Variants in SLC2A13 observed in about 807,000 individuals in gnomAD.
SLC2A13 encodes proton myo-inositol cotransporter.
Under a neutral mutation model 64.4 loss-of-function variants are expected in SLC2A13, and 32 were observed. That is an observed-to-expected ratio of 0.50 (90% CI 0.37 to 0.67). SLC2A13 has a LOEUF of 0.67. SLC2A13 is among the 30% of genes least tolerant of loss of function. The pLI is 0.00. For missense variants in SLC2A13, 743 were observed against 829.2 expected, an observed-to-expected ratio of 0.90 and a Z score of 1.28; for synonymous variants, 338 against 327.1, an observed-to-expected ratio of 1.03 and a Z score of -0.36.
chr12:39,807,012 GACA>G (rs758095048), intron 7 of SLC2A13, among the ~76,000 whole-genome samples: 8 of 152,102 alleles, frequency 5.3e-5, no homozygotes, highest in Admixed American at 1.3e-4. Flanking sequence ...TTCTTGAGAT[GACA>G]ACGTTCCAGA....
At chr12:39,869,737 A>G (rs996885827) in intron 5 of SLC2A13, among the ~76,000 whole-genome samples, 2 of 152,222 alleles carry the variant, frequency 1.3e-5, no homozygotes, top group Non-Finnish European at 2.9e-5. Flanking sequence ...GAAACATGAC[A>G]TAGGCCAGAA....
At chr12:40,037,309 C>T (rs1160941679) in intron 2 of SLC2A13, among the ~76,000 whole-genome samples, 1 of 151,962 alleles carries the variant, frequency 6.6e-6, no homozygotes, top group African/African-American at 2.4e-5. Context: ...GCTATTTCTT[C>T]CTTAAATATT....
chr12:39,796,051 C>G (rs112110022), intron 7 of SLC2A13, among the ~76,000 whole-genome samples: 1,832 of 152,224 alleles, frequency 0.012, 38 homozygotes, highest in African/African-American at 0.041. Flanking sequence ...CTCTTCTCCC[C>G]CCAGCCTCTG....
intron 3 of SLC2A13, among the ~76,000 whole-genome samples, chr12:40,004,203 A>G (rs539821648): frequency 6.6e-6 from 1 of 152,084 alleles, no homozygotes; most frequent in Non-Finnish European, 1.5e-5. Context: ...ATTTTATTTG[A>G]GATGGAGTTT....
At chr12:39,849,150 A>G (rs1943399481) in intron 6 of SLC2A13, among the ~76,000 whole-genome samples, 1 of 152,146 alleles carries the variant, frequency 6.6e-6, no homozygotes, top group East Asian at 1.9e-4. Context: ...ACAAACCTTC[A>G]CATGTACCAC....
At chr12:39,841,469 T>C (rs1258068808) in intron 6 of SLC2A13, among the ~76,000 whole-genome samples, 1 of 152,094 alleles carries the variant, frequency 6.6e-6, no homozygotes, top group East Asian at 1.9e-4. Flanking sequence ...TGTTTTTCTG[T>C]TACACTGAAT....
At chr12:39,984,184 TG>T (rs1946982331) in intron 3 of SLC2A13, among the ~76,000 whole-genome samples, 1 of 68,596 alleles carries the variant, frequency 1.5e-5, no homozygotes, top group Non-Finnish European at 2.9e-5. Context: ...TGTGGTGGGG[TG>T]GGGGCAGGGG....
intron 3 of SLC2A13, among the ~76,000 whole-genome samples, chr12:40,005,282 G>A (rs1947396143): frequency 6.6e-6 from 1 of 152,118 alleles, no homozygotes; most frequent in African/African-American, 2.4e-5. Context: ...AGGAAGGGAA[G>A]AATGAAGTTC....
intron 4 of SLC2A13, 113 bp downstream of exon 4, chr12:39,951,144 T>C (rs1190808437): frequency 1.2e-6 from 1 of 854,568 alleles, no homozygotes; most frequent in Non-Finnish European, 1.7e-6. Context: ...AATTCATACA[T>C]TTAATCAGAA....
chr12:39,973,940 A>G (rs180832976), intron 3 of SLC2A13, among the ~76,000 whole-genome samples: 75 of 152,320 alleles, frequency 4.9e-4, no homozygotes, highest in African/African-American at 1.7e-3. Flanking sequence ...TTCAAGGCAC[A>G]TTTCCATACC....
chr12:39,834,162 AC>A (rs1351334274), intron 6 of SLC2A13, among the ~76,000 whole-genome samples: 1 of 152,046 alleles, frequency 6.6e-6, no homozygotes, highest in East Asian at 1.9e-4. Context: ...TTGGTTAAAT[AC>A]ATTTGTTATG....
At chr12:39,795,190 C>G (rs935550979) in intron 7 of SLC2A13, among the ~76,000 whole-genome samples, 1 of 151,792 alleles carries the variant, frequency 6.6e-6, no homozygotes, top group African/African-American at 2.4e-5. Context: ...TGATCTCCCC[C>G]CACCTCTCTC....
chr12:39,941,691 T>G (rs1212976824), intron 4 of SLC2A13, among the ~76,000 whole-genome samples: 2 of 152,202 alleles, frequency 1.3e-5, no homozygotes, highest in Non-Finnish European at 2.9e-5. Context: ...GTATAGATTG[T>G]GAAGATTTTC....
At chr12:39,998,458 C>T (rs1947269362) in intron 3 of SLC2A13, among the ~76,000 whole-genome samples, 1 of 152,202 alleles carries the variant, frequency 6.6e-6, no homozygotes. Flanking sequence ...TGGGAACCCA[C>T]CTTTTGCATC....
chr12:39,968,989 C>T (rs938326290), intron 3 of SLC2A13, among the ~76,000 whole-genome samples: 4 of 151,934 alleles, frequency 2.6e-5, no homozygotes, highest in Admixed American at 2.6e-4. Context: ...TGATGTTCCC[C>T]TTCTTATGTC....
chr12:39,912,771 A>G (rs1378325904), intron 4 of SLC2A13, among the ~76,000 whole-genome samples: 2 of 152,082 alleles, frequency 1.3e-5, no homozygotes, highest in East Asian at 3.9e-4. Context: ...TCTGGCCTCG[A>G]GTATCCTCTG....
Position 39,790,448 on chromosome 12 carries a change from C to G in SLC2A13, c.1446-25590G>C, listed in dbSNP as rs59214837. Among the ~76,000 whole-genome samples the G allele has an allele frequency of 1.8e-3, 264 of 148,906 alleles. 4 individuals are homozygous for G. The East Asian group carries it at 0.037, about 21-fold the overall frequency. ...TGTGATCTCATTGTTCAATTCCCAC[C>G]TATGAGTGAGAATATGCGGTGTTTG... On this transcript the variant is annotated intron_variant, in intron 7 of 9. Coordinates refer to ENST00000280871, the MANE Select transcript of SLC2A13 (RefSeq NM_052885.4).
chr12:39,958,136 T>C (rs1040981717), intron 3 of SLC2A13, among the ~76,000 whole-genome samples: 1 of 152,258 alleles, frequency 6.6e-6, no homozygotes, highest in Non-Finnish European at 1.5e-5. Flanking sequence ...TCCTTCTCTC[T>C]TCATATATCC....
chr12:39,842,305 T>C (rs2135876460), intron 6 of SLC2A13, among the ~76,000 whole-genome samples: 1 of 152,212 alleles, frequency 6.6e-6, no homozygotes, highest in East Asian at 1.9e-4. Flanking sequence ...TGCAGGAGCA[T>C]TCCTGTTTCA....
Sources: gnomAD v4.1 joint callset for allele counts (sites outside exome capture counted in the v4.1 genomes callset) on GRCh38, gnomAD v4.1.1 for gene constraint, MANE v1.5 for transcripts, NCBI Gene and HGNC (gene_info 2026-07-23, HGNC 2026-07-21) for gene names.